CSMD1: variants seen among roughly 807,000 people sequenced by gnomAD.
The protein encoded by CSMD1 is CUB and Sushi multiple domains 1, also known as CUB and sushi domain-containing protein 1.
CSMD1 carries 213 observed loss-of-function variants against 417.5 expected under a neutral mutation model. The ratio of observed to expected loss-of-function variants is 0.51; its 90% CI spans 0.46 to 0.57. The LOEUF (loss-of-function observed/expected upper bound fraction) is 0.57, where lower values mean the gene tolerates loss of function less well. CSMD1 is among the 20% of genes least tolerant of loss of function. The pLI, the probability that CSMD1 is intolerant of heterozygous loss-of-function variation, is 0.00. For synonymous variants in CSMD1, 2,862 were observed against 1,736.8 expected (o/e 1.65, Z -16.11); for missense variants, 6,923 against 4,529.7 (o/e 1.53, Z -15.17).
chr8:3,167,872 G>C (rs1275296183), intron 37 of CSMD1, among the ~76,000 whole-genome samples: 1 of 152,180 alleles, frequency 6.6e-6, no homozygotes, highest in Admixed American at 6.5e-5. Context: ...TCTGAGAATA[G>C]TTTGCTTAAA....
chr8:3,427,818 A>T (rs1813951588), intron 12 of CSMD1, among the ~76,000 whole-genome samples: 1 of 152,238 alleles, frequency 6.6e-6, no homozygotes, highest in Non-Finnish European at 1.5e-5. Context: ...TCTCTAGAGG[A>T]CCAATTGCTT....
At chr8:3,014,593 C>G (rs575301115) in intron 52 of CSMD1, among the ~76,000 whole-genome samples, 21 of 152,240 alleles carry the variant, frequency 1.4e-4, no homozygotes, top group Non-Finnish European at 2.9e-4. Flanking sequence ...CTCTGAAGTT[C>G]TCTTTTATAA....
chr8:3,003,508 C>T (rs57136047), intron 52 of CSMD1, among the ~76,000 whole-genome samples: 3,310 of 152,264 alleles, frequency 0.022, 111 homozygotes, highest in African/African-American at 0.074. Flanking sequence ...AATAACCTCA[C>T]CACTGGGCAG....
intron 2 of CSMD1, among the ~76,000 whole-genome samples, chr8:4,484,389 C>A (rs575849730): frequency 1.2e-4 from 19 of 152,206 alleles, no homozygotes; most frequent in African/African-American, 4.3e-4. Flanking sequence ...AACACTCTCT[C>A]ATTCACGAAC....
intron 3 of CSMD1, among the ~76,000 whole-genome samples, chr8:4,377,908 T>A (rs1474814790): frequency 6.6e-6 from 1 of 152,322 alleles, no homozygotes; most frequent in South Asian, 2.1e-4. Flanking sequence ...CTTTGTATAG[T>A]ACTTAAATTG....
chr8:3,875,577 T>C (rs1805760545), intron 5 of CSMD1, among the ~76,000 whole-genome samples: 1 of 152,118 alleles, frequency 6.6e-6, no homozygotes, highest in South Asian at 2.1e-4. Context: ...GAATGTTTTA[T>C]TGGAGAGGAG....
At chr8:2,944,093 T>G (rs1017559137) in intron 68 of CSMD1, among the ~76,000 whole-genome samples, 2 of 152,198 alleles carry the variant, frequency 1.3e-5, no homozygotes, top group South Asian at 2.1e-4. Flanking sequence ...TGGAGCAATG[T>G]TGGCTTTTTA....
At chr8:4,199,293 G>A (rs1022845522) in intron 3 of CSMD1, among the ~76,000 whole-genome samples, 2 of 152,160 alleles carry the variant, frequency 1.3e-5, no homozygotes, top group African/African-American at 2.4e-5. Context: ...TTGATATGCA[G>A]GCAGTGTATG....
chr8:3,608,958 A>G (rs1001658202), intron 8 of CSMD1, among the ~76,000 whole-genome samples: 6 of 152,046 alleles, frequency 3.9e-5, no homozygotes, highest in Non-Finnish European at 5.9e-5. Flanking sequence ...GCAAATTTCA[A>G]CCATACCTTG....
At chr8:3,113,029 C>T (rs1311818161) in intron 42 of CSMD1, 2 of 152,236 alleles carry the variant, frequency 1.3e-5, no homozygotes, top group African/African-American at 2.4e-5. Flanking sequence ...GTGGTGGCGT[C>T]TCACTGAGCT....
At chr8:3,999,154 T>A (rs1221723267) in intron 4 of CSMD1, among the ~76,000 whole-genome samples, 1 of 151,954 alleles carries the variant, frequency 6.6e-6, no homozygotes, top group Non-Finnish European at 1.5e-5. Context: ...TTTCTTCCTT[T>A]TCTTTCTTCT....
chr8:4,589,282 C>A (rs2130725930), intron 2 of CSMD1, among the ~76,000 whole-genome samples: 1 of 152,264 alleles, frequency 6.6e-6, no homozygotes, highest in East Asian at 1.9e-4. Flanking sequence ...TTTGCCTCTG[C>A]ATATATTATG....
chr8:3,455,445 A>T (rs559398568), intron 12 of CSMD1, among the ~76,000 whole-genome samples: 1 of 152,138 alleles, frequency 6.6e-6, no homozygotes, highest in African/African-American at 2.4e-5. Context: ...TTGTGGTTTT[A>T]TCTTCCTTTG....
At position 4,321,922 on chromosome 8, in the gene CSMD1, A is replaced by G. The variant is rs376444130; in HGVS notation, c.415+98031T>C. Among the ~76,000 whole-genome samples, 17 of 152,208 alleles carry G rather than the reference A, an allele frequency of 1.1e-4. No individual in the cohort carries two copies. The East Asian group carries it at 2.3e-3, about 21-fold the overall frequency. On this transcript the variant is annotated intron_variant, in intron 3 of 69. Coordinates refer to ENST00000635120, the MANE Select transcript of CSMD1 (RefSeq NM_033225.6). ...TTAGACTTTTGCCTTTTATTACAGT[A>G]TATTTTTATTTCTGCATTTTTTCAC...
chr8:3,944,491 T>G (rs958995769), intron 5 of CSMD1, among the ~76,000 whole-genome samples: 1 of 152,152 alleles, frequency 6.6e-6, no homozygotes, highest in African/African-American at 2.4e-5. Flanking sequence ...TGTTGTCAGA[T>G]CACTTTAACC....
chr8:4,582,645 G>T (rs958857932), intron 2 of CSMD1, among the ~76,000 whole-genome samples: 5 of 152,222 alleles, frequency 3.3e-5, no homozygotes, highest in African/African-American at 9.6e-5. Flanking sequence ...AGCCCTCATA[G>T]TGAGAGGTGA....
At chr8:2,974,066 G>C (rs1250060282) in intron 56 of CSMD1, among the ~76,000 whole-genome samples, 2 of 127,314 alleles carry the variant, frequency 1.6e-5, no homozygotes, top group African/African-American at 5.6e-5. Flanking sequence ...GAGGATGGTG[G>C]TAGAGGATGA....
At chr8:4,785,640 T>A (rs1248506548) in intron 1 of CSMD1, among the ~76,000 whole-genome samples, 1 of 151,980 alleles carries the variant, frequency 6.6e-6, no homozygotes, top group Non-Finnish European at 1.5e-5. Context: ...AGACTCAGAG[T>A]CCCAGACTTT....
chr8:3,747,416 ATTTT>A (rs33946651), intron 6 of CSMD1, among the ~76,000 whole-genome samples: 1 of 150,538 alleles, frequency 6.6e-6, no homozygotes, highest in Non-Finnish European at 1.5e-5. Context: ...TAGACACAGT[ATTTT>A]TTTTTTACTA....
Sources: allele counts gnomAD v4.1 joint callset (sites outside exome capture counted in the v4.1 genomes callset), GRCh38; gene constraint gnomAD v4.1.1; transcripts MANE v1.5; gene names NCBI Gene and HGNC (gene_info 2026-07-23, HGNC 2026-07-21).